The following ERCC5 variants were observed in gnomAD, a reference collection of about 807,000 sequenced individuals.
ERCC5 encodes the protein ERCC excision repair 5, endonuclease.
ERCC5 carries 68 observed loss-of-function variants against 105.6 expected under a neutral mutation model. The ratio of observed to expected loss-of-function variants is 0.64; its 90% CI spans 0.53 to 0.79. The LOEUF is 0.79. ERCC5 is among the 30% of genes least tolerant of loss of function. The pLI, the probability that ERCC5 is intolerant of heterozygous loss-of-function variation, is 0.00. For synonymous variants in ERCC5, 546 were observed against 526.2 expected (o/e 1.04, Z -0.51); for missense variants, 1,373 against 1,426.7 (o/e 0.96, Z 0.61).
chr13:102,853,821 T>C lies in ERCC5; in HGVS notation c.329T>C (p.Leu110Pro), dbSNP rs917569135. ...TCCAGGAAAACGACAGAGAAGCTTC[T>C]GAAAACATTTTTGAAAAGACAAGCC... is the stretch of plus-strand genomic sequence containing the variant. ...SDSRKTTEKLLKTFLKRQAIK... is the reference protein window; with the variant it reads ...SDSRKTTEKLPKTFLKRQAIK... Residue 110 changes from leucine (L) to proline (P), a missense_variant, in exon 3 of 15, where the codon CTG becomes CCG. Transcript: ENST00000652225. The C allele has an allele frequency of 6.2e-7, 1 of 1,614,218 alleles. No individual in the cohort carries two copies. The highest frequency in any genetic ancestry group is 8.5e-7 in the Non-Finnish European group (1 of 1,180,036).
chr13:102,866,277 C>T lies in ERCC5; in HGVS notation c.2215C>T (p.Leu739=). 1 of 1,614,198 alleles carries T rather than the reference C, an allele frequency of 6.2e-7. No individual in the cohort carries two copies. Among genetic ancestry groups the T allele is most frequent in the Non-Finnish European group, 8.5e-7 (1 of 1,180,036 alleles). ...QDINLEELET[L]ESNLLAQQNS... is the part of the protein sequence containing the mutation. ...CATTTTATAGGAGGAGTTGGAAACT[C>T]TGGAGAGCAACCTCTTAGCACAGCA... The change falls in exon 10 of 15, where the codon CTG becomes TTG. Residue 739 remains leucine (L), a synonymous_variant. Transcript: ENST00000652225.
chr13:102,860,776 TTA>T (rs1882589022), intron 6 of ERCC5, among the ~76,000 whole-genome samples: 1 of 152,184 alleles, frequency 6.6e-6, no homozygotes, highest in South Asian at 2.1e-4. Flanking sequence ...GGGAAATGCC[TTA>T]TAATGTTAAG....
At chr13:102,855,921 C>T in intron 4 of ERCC5, 131 bp from the exon 5 acceptor site, 1 of 855,276 alleles carries the variant, frequency 1.2e-6, no homozygotes, top group Non-Finnish European at 2.0e-6. Context: ...ACCATGAGAC[C>T]AGTAGTGGCA....
chr13:102,848,426 ATGTC>A (rs1193037568), intron 1 of ERCC5, among the ~76,000 whole-genome samples: 1 of 152,196 alleles, frequency 6.6e-6, no homozygotes, highest in South Asian at 2.1e-4. Context: ...TACAGTCTAA[ATGTC>A]TGTGTCAAAT....
chr13:102,851,566 T>C (rs1381075365), intron 1 of ERCC5, among the ~76,000 whole-genome samples: 1 of 152,212 alleles, frequency 6.6e-6, no homozygotes, highest in African/African-American at 2.4e-5. Context: ...GTGCTGGGAT[T>C]ACAGGTGTGA....
intron 3 of ERCC5, 55 bp from the exon 4 acceptor site, chr13:102,854,233 T>C: frequency 6.3e-7 from 1 of 1,589,664 alleles, no homozygotes; most frequent in Non-Finnish European, 8.6e-7. Context: ...AGGTCCCTGT[T>C]CACCATCCTG....
At chr13:102,866,103 TC>T in intron 9 of ERCC5, 158 bp from the exon 10 acceptor site, 2 of 1,432,458 alleles carry the variant, frequency 1.4e-6, no homozygotes, top group Non-Finnish European at 1.9e-6. Flanking sequence ...GTGATGAATC[TC>T]TAAAGATATT....
intron 2 of ERCC5, among the ~76,000 whole-genome samples, chr13:102,852,638 G>C (rs1439279991): frequency 1.3e-5 from 2 of 152,136 alleles, no homozygotes; most frequent in Non-Finnish European, 2.9e-5. Context: ...ACCCTCTTTT[G>C]GGAAGTGCCT....
chr13:102,861,371 C>T, intron 6 of ERCC5, 136 bp from the exon 7 acceptor site: 3 of 921,140 alleles, frequency 3.3e-6, no homozygotes, highest in South Asian at 3.3e-5. Flanking sequence ...TGTTATTCAC[C>T]TTTTATAATA....
At chr13:102,861,856 C>G (rs1285183292) in intron 7 of ERCC5, 142 bp downstream of exon 7, 2 of 1,354,808 alleles carry the variant, frequency 1.5e-6, no homozygotes, top group African/African-American at 2.9e-5. Context: ...AATGGATTAA[C>G]TACTATAGTG....
rs1566461835 is a variant in ERCC5, at chr13:102,846,152, T to G, written c.-115T>G. On this transcript the variant is annotated 5_prime_UTR_variant, in exon 1 of 15. Transcript: ENST00000652225. ...GTGGCTTCTGTATTATTTGCCATCT[T>G]TGTTGTGTAGGAGCAGGGAGGGCTT... is the stretch of plus-strand genomic sequence containing the variant. The G allele has an allele frequency of 7.6e-6, 6 of 787,978 alleles. No homozygotes were observed. Among genetic ancestry groups the G allele is most frequent in the East Asian group, 2.7e-5 (1 of 37,268 alleles). 48.8% of individuals were successfully genotyped at this position (787,978 alleles called of 1,614,324 possible).
intron 12 of ERCC5, among the ~76,000 whole-genome samples, chr13:102,871,465 A>C (rs1350215885): frequency 6.6e-6 from 1 of 152,208 alleles, no homozygotes; most frequent in African/African-American, 2.4e-5. Flanking sequence ...ATTGCCTAGC[A>C]CACAGCGAAA....
rs571637370 is a variant in ERCC5, at chr13:102,850,811, A to C, written c.89-1307A>C. Among the ~76,000 whole-genome samples, 26 of 152,208 alleles carry C rather than the reference A, an allele frequency of 1.7e-4. No homozygotes were observed. In the South Asian group the frequency reaches 3.7e-3, roughly 22 times the overall value. On this transcript the variant is annotated intron_variant, in intron 1 of 14. Transcript: ENST00000652225. The stretch of plus-strand genomic sequence containing the variant: ...AGCGTGCTCTGGGCCAGACATATAC[A>C]TGGAGTCAGGGCGTGGTGTATGTGG...
In ERCC5 at chr13:102,846,069, A is replaced by C. The variant is rs958171897; in HGVS notation, c.-198A>C. ...GGTGACAGCTGCTGAGACGTGTTGC[A>C]GCCAGAGTCTCTCCGCTTTAATGCG... is the stretch of plus-strand genomic sequence containing the variant. On this transcript the variant is annotated 5_prime_UTR_variant, in exon 1 of 15. Transcript: ENST00000652225. The C allele has an allele frequency of 3.4e-6, 2 of 589,826 alleles. No individual in the cohort carries two copies. The highest frequency in any genetic ancestry group is 3.7e-5 in the African/African-American group (2 of 53,676). The allele number at this position is 589,826 out of a possible 1,614,324, so 36.5% of individuals were successfully genotyped here. A position where few individuals can be genotyped will look rare whatever the true frequency, so the allele number is the denominator to read the frequency against.
intron 11 of ERCC5, 47 bp from the exon 12 acceptor site, chr13:102,868,066 C>A: frequency 6.4e-7 from 1 of 1,560,330 alleles, no homozygotes; most frequent in South Asian, 1.1e-5. Flanking sequence ...TTATAAATGT[C>A]ATATAAGAAA....
At chr13:102,846,937 A>G (rs1881989646) in intron 1 of ERCC5, among the ~76,000 whole-genome samples, 1 of 151,926 alleles carries the variant, frequency 6.6e-6, no homozygotes, top group African/African-American at 2.4e-5. Flanking sequence ...TGCAAAGTAG[A>G]GGTGGTGATA....
At chr13:102,871,656 A>T (rs1883037685) in intron 12 of ERCC5, among the ~76,000 whole-genome samples, 1 of 152,126 alleles carries the variant, frequency 6.6e-6, no homozygotes, top group Non-Finnish European at 1.5e-5. Flanking sequence ...AAAAACAGAT[A>T]CATGTATCTG....
chr13:102,865,751 A>C lies in ERCC5; in HGVS notation c.2039A>C (p.Gln680Pro), dbSNP rs4987168. ...GAAACTTCCAAACCTCCCTCAGAAC[A>C]AGGCGAAGAGGAACTGGTAGGAACT... ...FPETSKPPSE[Q>P]GEEELVGTRE... The change falls in exon 9 of 15, where the codon CAA becomes CCA. Residue 680 changes from glutamine (Q) to proline (P), a missense_variant. Transcript: ENST00000652225. This position sits in a 1 kb window ranked among gnomAD's most constrained non-coding sequence, Gnocchi z 4.0. The C allele has an allele frequency of 6.2e-7, 1 of 1,613,962 alleles. No homozygotes were observed.
chr13:102,850,541 CG>C (rs1249144201), intron 1 of ERCC5, among the ~76,000 whole-genome samples: 1 of 151,928 alleles, frequency 6.6e-6, no homozygotes, highest in Non-Finnish European at 1.5e-5. Context: ...ACCAAAGATA[CG>C]TTGGTGAAAT....
Sources: allele counts gnomAD v4.1 joint callset (sites outside exome capture counted in the v4.1 genomes callset), GRCh38; gene constraint gnomAD v4.1.1; non-coding constraint Gnocchi (gnomAD v3.1); transcripts MANE v1.5; gene names NCBI Gene and HGNC (gene_info 2026-07-23, HGNC 2026-07-21).